BCAP29: variants seen among roughly 807,000 people sequenced by gnomAD.
The protein encoded by BCAP29 is B cell receptor associated protein 29.
A neutral mutation model predicts 31.8 loss-of-function variants in BCAP29; 34 were observed. The ratio of observed to expected loss-of-function variants is 1.07; its 90% CI spans 0.81 to 1.42. The LOEUF (loss-of-function observed/expected upper bound fraction) is 1.42, where lower values mean the gene tolerates loss of function less well. Ranked by LOEUF, BCAP29 falls within the 40% of genes most tolerant of loss-of-function variation. The probability of loss-of-function intolerance (pLI) is 0.00; values close to 1 mark genes in which losing one functional copy is unlikely to be tolerated. For synonymous variants in BCAP29, 104 were observed against 91.3 expected (o/e 1.14, Z -0.79); for missense variants, 314 against 269.2 (o/e 1.17, Z -1.16).
chr7:107,600,407 G>A lies in BCAP29; in HGVS notation c.491G>A (p.Ser164Asn). 6.3e-7 allele frequency: 1 copy of A among 1,599,456 alleles called. No homozygotes were observed. The highest frequency in any genetic ancestry group is 8.6e-7 in the Non-Finnish European group (1 of 1,168,670). The change falls in exon 6 of 8, where the codon AGC becomes AAC. Residue 164 changes from serine to asparagine, a missense_variant. Ser to Asn is a conservative substitution (Grantham distance 46, BLOSUM62 1). Transcript: ENST00000005259. ...ENEKLKRILKSHGKDEECVLE... is the reference protein window; with the variant it reads ...ENEKLKRILKNHGKDEECVLE... ...CTCCTTTTGCAATAGATTTTGAAAA[G>A]CCATGGTAAAGATGAAGAATGTGTT...
intron 5 of BCAP29, among the ~76,000 whole-genome samples, chr7:107,599,608 C>A (rs1810783458): frequency 6.6e-6 from 1 of 150,628 alleles, no homozygotes; most frequent in African/African-American, 2.4e-5. Context: ...GTTTTTCAAA[C>A]ATTTACTTTG....
At chr7:107,605,786 G>T (rs918522109) in intron 6 of BCAP29, among the ~76,000 whole-genome samples, 1 of 152,240 alleles carries the variant, frequency 6.6e-6, no homozygotes, top group African/African-American at 2.4e-5. Context: ...AATCCTTCAT[G>T]GTAAATACTT....
chr7:107,613,554 C>T (rs1362008726), intron 7 of BCAP29, 122 bp downstream of exon 7: 14 of 1,350,958 alleles, frequency 1.0e-5, no homozygotes, highest in African/African-American at 7.4e-5. Context: ...CTTTGTTAAA[C>T]GATTTAAAGA....
chr7:107,612,433 A>ATTTATTTATTTATT (rs1440411229), intron 6 of BCAP29, among the ~76,000 whole-genome samples: 27 of 42,084 alleles, frequency 6.4e-4, no homozygotes, highest in African/African-American at 1.2e-3. Flanking sequence ...ATATATATAT[A>ATTTATTTATTTATT]TATATATTTA....
intron 2 of BCAP29, among the ~76,000 whole-genome samples, chr7:107,583,351 A>G (rs1807051786): frequency 1.3e-5 from 2 of 152,222 alleles, no homozygotes; most frequent in African/African-American, 4.8e-5. Flanking sequence ...TACATATTTA[A>G]GATTTTTTCA....
chr7:107,609,916 C>A (rs986932455), intron 6 of BCAP29, among the ~76,000 whole-genome samples: 4 of 152,224 alleles, frequency 2.6e-5, no homozygotes, highest in Non-Finnish European at 1.5e-5. Flanking sequence ...AGCTGTTGTA[C>A]AACAGCCCAA....
At chr7:107,586,858 G>A (rs182084674) in intron 3 of BCAP29, among the ~76,000 whole-genome samples, 3 of 151,336 alleles carry the variant, frequency 2.0e-5, no homozygotes, top group East Asian at 1.9e-4. Flanking sequence ...CTCCCAAGTA[G>A]CTGGGACTAC....
chr7:107,583,483 C>T (rs1807075013), intron 2 of BCAP29, among the ~76,000 whole-genome samples: 1 of 152,020 alleles, frequency 6.6e-6, no homozygotes, highest in Non-Finnish European at 1.5e-5. Flanking sequence ...AGTTAGACCC[C>T]ACTCCTGAAA....
chr7:107,595,462 C>T (rs940020375), intron 4 of BCAP29, among the ~76,000 whole-genome samples: 6 of 152,120 alleles, frequency 3.9e-5, no homozygotes, highest in Admixed American at 6.5e-5. Flanking sequence ...TACACATAAA[C>T]GGATGTGAAT....
chr7:107,588,064 C>T (rs985734956), intron 3 of BCAP29: 1 of 152,022 alleles, frequency 6.6e-6, no homozygotes, highest in African/African-American at 2.4e-5. Flanking sequence ...AACTTTTTAC[C>T]TCGCTGGTAG....
In BCAP29 at chr7:107,594,021, C is replaced by T. The variant is rs1279509673; in HGVS notation, c.260C>T (p.Pro87Leu). The T allele has an allele frequency of 1.9e-6, 3 of 1,613,666 alleles. No homozygotes were observed. The highest frequency in any genetic ancestry group is 1.3e-5 in the African/African-American group (1 of 75,008). ...HTIEKSSTSR[P>L]DAYEHTQMKL... ...ATTGAGAAGAGCTCCACCAGCAGAC[C>T]TGATGCCTATGAACACACACAGATG... The change falls in exon 4 of 8, where the codon CCT becomes CTT. Residue 87 changes from proline to leucine, a missense_variant. By Grantham distance (98) the Pro-to-Leu change is moderately conservative (BLOSUM62 -3). Transcript: ENST00000005259.
At chr7:107,590,833 AAAAGAAAG>A (rs71134269) in intron 3 of BCAP29, among the ~76,000 whole-genome samples, 2 of 137,886 alleles carry the variant, frequency 1.5e-5, no homozygotes, top group Non-Finnish European at 3.1e-5. Flanking sequence ...AAAAAAAAAA[AAAAGAAAG>A]AAAGAAAGAA....
At chr7:107,598,879 C>T (rs976034247) in intron 5 of BCAP29, among the ~76,000 whole-genome samples, 21 of 146,698 alleles carry the variant, frequency 1.4e-4, no homozygotes, top group Non-Finnish European at 2.2e-4. Flanking sequence ...TAAGACCAGC[C>T]TGGGCAATAC....
chr7:107,615,680 A>C, intron 7 of BCAP29: 1 of 207,604 alleles, frequency 4.8e-6, no homozygotes, highest in South Asian at 8.9e-5. Context: ...ACCCCATCCC[A>C]GATTATGCCA....
chr7:107,617,317 G>A (rs889415826), intron 7 of BCAP29, among the ~76,000 whole-genome samples: 3 of 152,158 alleles, frequency 2.0e-5, no homozygotes, highest in African/African-American at 7.2e-5. Flanking sequence ...GGGAAACGCT[G>A]ATTTCTTTAC....
chr7:107,580,664 C>G (rs925439197), intron 1 of BCAP29, 95 bp from the exon 2 acceptor site: 1 of 797,540 alleles, frequency 1.3e-6, no homozygotes, highest in African/African-American at 1.8e-5. Flanking sequence ...AGGTGGAACA[C>G]TGTCCATCCC....
intron 6 of BCAP29, among the ~76,000 whole-genome samples, chr7:107,612,392 TATATA>T (rs1563141196): frequency 1.9e-4 from 1 of 5,282 alleles, no homozygotes; most frequent in African/African-American, 4.8e-4. Context: ...TGTATTGTTT[TATATA>T]TATATATATA....
intron 5 of BCAP29, among the ~76,000 whole-genome samples, chr7:107,597,266 C>T (rs1810026748): frequency 6.6e-6 from 1 of 152,136 alleles, no homozygotes. Context: ...CTTTCCTCTC[C>T]TTCCCTCCCT....
intron 2 of BCAP29, among the ~76,000 whole-genome samples, chr7:107,582,940 G>A (rs1806965541): frequency 1.3e-5 from 2 of 152,126 alleles, no homozygotes; most frequent in Admixed American, 6.5e-5. Flanking sequence ...CGATTCATCT[G>A]TATGAATCTC....
Sources: gnomAD v4.1 joint callset for allele counts (sites outside exome capture counted in the v4.1 genomes callset) on GRCh38, gnomAD v4.1.1 for gene constraint, MANE v1.5 for transcripts, NCBI Gene and HGNC (gene_info 2026-07-23, HGNC 2026-07-21) for gene names.